NIPAL3: variants seen among roughly 807,000 people sequenced by gnomAD.
NIPAL3 encodes NIPA like domain containing 3, also known as NIPA-like protein 3.
A neutral mutation model predicts 47.2 loss-of-function variants in NIPAL3; 41 were observed. That is an observed-to-expected ratio of 0.87 (90% CI 0.68 to 1.13). NIPAL3 has a LOEUF of 1.13. Ranked by LOEUF, NIPAL3 falls within the 50% of genes most tolerant of loss-of-function variation. The probability of loss-of-function intolerance (pLI) is 0.00; values close to 1 mark genes in which losing one functional copy is unlikely to be tolerated. For synonymous variants in NIPAL3, 194 were observed against 209.6 expected, an observed-to-expected ratio of 0.93 and a Z score of 0.64; for missense variants, 449 against 530.1, an observed-to-expected ratio of 0.85 and a Z score of 1.50.
intron 2 of NIPAL3, chr1:24,433,205 G>A (rs1011176936): frequency 4.6e-5 from 7 of 152,308 alleles, no homozygotes; most frequent in African/African-American, 7.2e-5. Flanking sequence ...GACAGAGGCT[G>A]GATTCAAGGT....
In NIPAL3 at chr1:24,458,968, T is replaced by A. The variant is rs896065636; in HGVS notation, c.854T>A (p.Ile285Asn). The change falls in exon 9 of 12, where the codon ATC (isoleucine) becomes AAC (asparagine). Residue 285 changes from isoleucine to asparagine, a missense_variant. Ile to Asn is a moderately radical substitution (Grantham distance 149, BLOSUM62 -3). Transcript: ENST00000374399. ...TACATTCTGTCCACAACCATTGCTA[T>A]CACAGCAGGTAAGGGTGACCCATTG... Reference protein sequence around the residue: ...VGYILSTTIAITAGAIFYLDF... With the variant: ...VGYILSTTIANTAGAIFYLDF... 6 of 1,613,718 alleles carry A rather than the reference T, an allele frequency of 3.7e-6. No homozygotes were observed. Among genetic ancestry groups the A allele is most frequent in the Non-Finnish European group, 5.1e-6 (6 of 1,179,764 alleles).
chr1:24,422,586 G>A (rs1417809612), intron 2 of NIPAL3, among the ~76,000 whole-genome samples: 1 of 152,154 alleles, frequency 6.6e-6, no homozygotes, highest in Non-Finnish European at 1.5e-5. Flanking sequence ...TAGAAACCCA[G>A]AACGTGCATT....
At chr1:24,424,746 G>A (rs1431087950) in intron 2 of NIPAL3, among the ~76,000 whole-genome samples, 1 of 152,152 alleles carries the variant, frequency 6.6e-6, no homozygotes, top group East Asian at 1.9e-4. Flanking sequence ...TGGGTAAGGT[G>A]TCTACCTGGT....
chr1:24,425,087 C>T (rs1199619154), intron 2 of NIPAL3, among the ~76,000 whole-genome samples: 3 of 152,072 alleles, frequency 2.0e-5, no homozygotes, highest in African/African-American at 7.2e-5. Flanking sequence ...AAGCAGCTCC[C>T]AGCAGGACAT....
chr1:24,455,165 A>C (rs1279653680), intron 7 of NIPAL3, among the ~76,000 whole-genome samples: 1 of 152,218 alleles, frequency 6.6e-6, no homozygotes, highest in African/African-American at 2.4e-5. Flanking sequence ...AAAGCAAAGC[A>C]CAGCAGCAGG....
rs1643999445 is a variant in NIPAL3 at position 24,415,907 on chromosome 1, G to A, written c.-258+3G>A. The A allele has an allele frequency of 1.0e-6, 1 of 985,298 alleles. No homozygotes were observed. Among genetic ancestry groups the A allele is most frequent in the Non-Finnish European group, 1.2e-6 (1 of 829,774 alleles). The allele number at this position is 985,298 out of a possible 1,614,324, so 61.0% of individuals were successfully genotyped here. A position where few individuals can be genotyped will look rare whatever the true frequency, so the allele number is the denominator to read the frequency against. ...GGGCCTTAGAGGAGACGCCGCCGGTGAGTAGTGATTAACACCGGGAGGAAG... is the reference window on the plus strand; with the variant it reads ...GGGCCTTAGAGGAGACGCCGCCGGTAAGTAGTGATTAACACCGGGAGGAAG... On this transcript the variant is annotated splice_donor_region_variant and intron_variant, in intron 1 of 11. Coordinates refer to ENST00000374399, the MANE Select transcript of NIPAL3 (RefSeq NM_020448.5).
Position 24,454,676 on chromosome 1 carries a change from G to A in NIPAL3, c.637+1172G>A. On this transcript the variant is annotated intron_variant, in intron 7 of 11. Transcript: ENST00000374399. This position sits in a 1 kb window ranked among gnomAD's most constrained non-coding sequence, Gnocchi z 4.1. ...TCCTAATCTAATTTTAGAACATTTT[G>A]TCACCCCCAAAAGAAACCCTGTGCC... is the stretch of plus-strand genomic sequence containing the variant. 1.8e-6 allele frequency: 1 copy of A among 550,646 alleles called. No homozygotes were observed. Among genetic ancestry groups the A allele is most frequent in the Non-Finnish European group, 2.3e-6 (1 of 433,122 alleles). 34.1% of individuals were successfully genotyped at this position (550,646 alleles called of 1,614,324 possible). A position where few individuals can be genotyped will look rare whatever the true frequency, so the allele number is the denominator to read the frequency against.
In NIPAL3 at chr1:24,419,911, G is replaced by A. The variant is rs1014943604; in HGVS notation, c.93+271G>A. The stretch of plus-strand genomic sequence containing the variant: ...ATTCTGGCCAGCATGGTGAAACCCC[G>A]TCTCTACTAAAAACACAAAGATTGG... On this transcript the variant is annotated intron_variant, in intron 2 of 11. Coordinates refer to ENST00000374399, the MANE Select transcript of NIPAL3 (RefSeq NM_020448.5). 194 of 308,996 alleles carry A rather than the reference G, an allele frequency of 6.3e-4. 3 individuals are homozygous for A. The highest frequency in any genetic ancestry group is 1.5e-4 in the Non-Finnish European group (24 of 160,810). 19.1% of individuals were successfully genotyped at this position (308,996 alleles called of 1,614,324 possible).
chr1:24,464,473 T>A (rs1232278204), intron 11 of NIPAL3: 2 of 161,960 alleles, frequency 1.2e-5, no homozygotes, highest in Non-Finnish European at 2.7e-5. Context: ...GGAGAATGAG[T>A]GGAATGAAAT....
At chr1:24,457,506 G>A (rs1646269961) in intron 8 of NIPAL3, among the ~76,000 whole-genome samples, 1 of 152,248 alleles carries the variant, frequency 6.6e-6, no homozygotes, top group South Asian at 2.1e-4. Context: ...AGGAGCAGCT[G>A]CTGCTGGCCC....
chr1:24,435,393 T>G (rs1645053349), intron 2 of NIPAL3, among the ~76,000 whole-genome samples: 1 of 152,248 alleles, frequency 6.6e-6, no homozygotes, highest in African/African-American at 2.4e-5. Context: ...ATTGGTGGCT[T>G]CTTTTGTGTT....
intron 5 of NIPAL3, among the ~76,000 whole-genome samples, chr1:24,445,544 G>A (rs1261432362): frequency 6.6e-6 from 1 of 152,166 alleles, no homozygotes; most frequent in Admixed American, 6.5e-5. Flanking sequence ...CTCTCTCCCT[G>A]ACTGAGTTCT....
intron 8 of NIPAL3, among the ~76,000 whole-genome samples, chr1:24,458,077 T>TC (rs1377775924): frequency 6.6e-6 from 1 of 152,162 alleles, no homozygotes; most frequent in Non-Finnish European, 1.5e-5. Flanking sequence ...ATGAGGGTAG[T>TC]CACTCACTGC....
At chr1:24,428,365 C>G (rs529258936) in intron 2 of NIPAL3, among the ~76,000 whole-genome samples, 288 of 151,384 alleles carry the variant, frequency 1.9e-3, no homozygotes, top group African/African-American at 6.6e-3. Context: ...TTTTCTTCCA[C>G]TTTTTTTTGT....
intron 2 of NIPAL3, among the ~76,000 whole-genome samples, chr1:24,431,203 G>T (rs966665476): frequency 6.6e-6 from 1 of 152,154 alleles, no homozygotes; most frequent in Admixed American, 6.5e-5. Flanking sequence ...ACAGCATCTT[G>T]ATTATCACTA....
intron 11 of NIPAL3, chr1:24,465,763 A>C: frequency 3.1e-6 from 1 of 322,274 alleles, no homozygotes; most frequent in South Asian, 7.2e-5. Context: ...CTTTCAGGCT[A>C]GTGGTCATAT....
intron 11 of NIPAL3, among the ~76,000 whole-genome samples, chr1:24,467,552 C>A (rs981228508): frequency 6.6e-6 from 1 of 152,206 alleles, no homozygotes; most frequent in African/African-American, 2.4e-5. Flanking sequence ...CTGCCTCTTA[C>A]TAGCTGTGTG....
At chr1:24,426,661 A>G (rs1182118951) in intron 2 of NIPAL3, among the ~76,000 whole-genome samples, 7 of 152,154 alleles carry the variant, frequency 4.6e-5, no homozygotes, top group Admixed American at 4.6e-4. Flanking sequence ...AGACCCTGAC[A>G]GTCGCTTATT....
At chr1:24,440,634 C>T (rs971702652) in intron 3 of NIPAL3, among the ~76,000 whole-genome samples, 1 of 152,196 alleles carries the variant, frequency 6.6e-6, no homozygotes, top group African/African-American at 2.4e-5. Flanking sequence ...TGGATCCCCC[C>T]ACTGACCTCC....
Sources: gnomAD v4.1 joint callset for allele counts (sites outside exome capture counted in the v4.1 genomes callset) on GRCh38, gnomAD v4.1.1 for gene constraint, Gnocchi (gnomAD v3.1) non-coding constraint, MANE v1.5 for transcripts, NCBI Gene and HGNC (gene_info 2026-07-23, HGNC 2026-07-21) for gene names.